JHY: variants seen among roughly 807,000 people sequenced by gnomAD.
JHY encodes junctional cadherin complex regulator, also known as jhy protein homolog.
A neutral mutation model predicts 78.0 loss-of-function variants in JHY; 69 were observed. That is an observed-to-expected ratio of 0.88 (90% CI 0.73 to 1.08). The LOEUF (loss-of-function observed/expected upper bound fraction) is 1.08, where lower values mean the gene tolerates loss of function less well. Among genes scored for constraint, JHY ranks in the 50% least tolerant of loss-of-function variants. The probability of loss-of-function intolerance (pLI) is 0.00; values close to 1 mark genes in which losing one functional copy is unlikely to be tolerated. For synonymous variants in JHY, 368 were observed against 342.6 expected (o/e 1.07, Z -0.82); for missense variants, 944 against 927.8 (o/e 1.02, Z -0.23).
At chr11:122,944,548 T>G (rs927242368) in intron 5 of JHY, among the ~76,000 whole-genome samples, 3 of 152,202 alleles carry the variant, frequency 2.0e-5, no homozygotes, top group African/African-American at 7.2e-5. Flanking sequence ...TTCTATCACC[T>G]TATATATTCA....
rs1481571714 is a variant in JHY at position 122,885,949 on chromosome 11, G to T, written c.100G>T (p.Asp34Tyr). The T allele has an allele frequency of 6.2e-7, 1 of 1,614,108 alleles. No homozygotes were observed. The highest frequency in any genetic ancestry group is 8.5e-7 in the Non-Finnish European group (1 of 1,179,994). The change falls in exon 2 of 9, where the codon GAC (aspartate) becomes TAC (tyrosine). Residue 34 changes from aspartate (D) to tyrosine (Y), a missense_variant. Coordinates refer to ENST00000227349, the MANE Select transcript of JHY (RefSeq NM_024806.4). ...QSTHPPLKKE[D>Y]LHRISKDSLE... ...CACACACCCACCTTTGAAGAAAGAA[G>T]ACTTACATCGGATTTCAAAAGACTC...
intron 1 of JHY, among the ~76,000 whole-genome samples, chr11:122,885,467 T>C (rs1177729170): frequency 1.3e-5 from 2 of 152,246 alleles, no homozygotes; most frequent in Non-Finnish European, 2.9e-5. Context: ...CAGGCTTGTC[T>C]GTAACAAGCC....
Position 122,956,587 on chromosome 11 carries a change from T to C in JHY, c.2010+11T>C. The stretch of plus-strand genomic sequence containing the variant: ...TCCATCAGAGACAAAGTGAGTGAGA[T>C]GCACATACAGTGTTTCCAGACCTGA... On this transcript the variant is annotated intron_variant, in intron 7 of 8. Transcript: ENST00000227349. 2.5e-6 allele frequency: 4 copies of C among 1,611,942 alleles called. No homozygotes were observed. The Middle Eastern group carries it at 6.6e-4, about 266-fold the overall frequency.
At chr11:122,908,245 A>G (rs1863036379) in intron 3 of JHY, among the ~76,000 whole-genome samples, 1 of 152,094 alleles carries the variant, frequency 6.6e-6, no homozygotes, top group African/African-American at 2.4e-5. Context: ...AGCTTGATGG[A>G]CCTCATCCCC....
At chr11:122,901,046 T>G (rs1423203188) in intron 2 of JHY, among the ~76,000 whole-genome samples, 1 of 152,116 alleles carries the variant, frequency 6.6e-6, no homozygotes, top group Non-Finnish European at 1.5e-5. Flanking sequence ...GTTAGGTGAT[T>G]TCATCATTGT....
intron 2 of JHY, among the ~76,000 whole-genome samples, chr11:122,887,089 G>C (rs186064524): frequency 1.9e-3 from 283 of 152,306 alleles, no homozygotes; most frequent in African/African-American, 6.7e-3. Flanking sequence ...GGAGGTTTTA[G>C]TGTGGTGGTG....
At chr11:122,922,787 G>A (rs917339347) in intron 3 of JHY, among the ~76,000 whole-genome samples, 9 of 123,852 alleles carry the variant, frequency 7.3e-5, no homozygotes, top group African/African-American at 2.6e-4. Flanking sequence ...TCCAGCCTGG[G>A]CAACAGAGCG....
intron 6 of JHY, among the ~76,000 whole-genome samples, chr11:122,953,752 A>C (rs1439121298): frequency 6.6e-6 from 1 of 152,206 alleles, no homozygotes; most frequent in Non-Finnish European, 1.5e-5. Flanking sequence ...AAGGAGATGT[A>C]TGATTTTGAA....
intron 2 of JHY, among the ~76,000 whole-genome samples, chr11:122,900,228 G>A (rs1198767358): frequency 6.6e-6 from 1 of 152,188 alleles, no homozygotes; most frequent in African/African-American, 2.4e-5. Context: ...TCAGCAAGGC[G>A]TGACAGTTTT....
chr11:122,944,819 T>A (rs181561075), intron 5 of JHY, among the ~76,000 whole-genome samples: 1 of 152,318 alleles, frequency 6.6e-6, no homozygotes, highest in East Asian at 1.9e-4. Flanking sequence ...TACTTTTCTG[T>A]CTCCTGGTTT....
At chr11:122,941,211 GCTTCTAGA>G in intron 5 of JHY, among the ~76,000 whole-genome samples, 1 of 152,250 alleles carries the variant, frequency 6.6e-6, no homozygotes, top group East Asian at 1.9e-4. Context: ...AAATGTTATT[GCTTCTAGA>G]CTCAAGATCT....
chr11:122,924,875 T>C, intron 3 of JHY, 22 bp from the exon 4 acceptor site: 1 of 1,564,164 alleles, frequency 6.4e-7, no homozygotes, highest in South Asian at 1.1e-5. Flanking sequence ...GTTAACATGC[T>C]GTATGTGTTT....
At chr11:122,923,526 T>C (rs1863420492) in intron 3 of JHY, among the ~76,000 whole-genome samples, 1 of 152,188 alleles carries the variant, frequency 6.6e-6, no homozygotes, top group Admixed American at 6.5e-5. Context: ...CAGTACATCC[T>C]GATGGCTGGA....
intron 4 of JHY, among the ~76,000 whole-genome samples, chr11:122,926,319 G>T (rs1421896368): frequency 2.6e-5 from 4 of 152,120 alleles, no homozygotes; most frequent in Non-Finnish European, 5.9e-5. Flanking sequence ...CCTAAGAAGA[G>T]ATGAGTCCTT....
At chr11:122,914,511 C>A (rs894883430) in intron 3 of JHY, among the ~76,000 whole-genome samples, 2 of 152,082 alleles carry the variant, frequency 1.3e-5, no homozygotes, top group Non-Finnish European at 2.9e-5. Flanking sequence ...GTGATGCGAT[C>A]TCCGCTCACT....
intron 5 of JHY, among the ~76,000 whole-genome samples, chr11:122,937,125 A>G (rs1591391953): frequency 1.3e-5 from 2 of 152,074 alleles, no homozygotes; most frequent in African/African-American, 4.8e-5. Context: ...TTTCTAGGAA[A>G]AATTTTCCTT....
intron 2 of JHY, among the ~76,000 whole-genome samples, chr11:122,890,655 C>T (rs1319192319): frequency 6.6e-6 from 1 of 152,004 alleles, no homozygotes; most frequent in Non-Finnish European, 1.5e-5. Context: ...TTGTTCTTAC[C>T]AAAGGACAGT....
intron 2 of JHY, among the ~76,000 whole-genome samples, chr11:122,889,198 G>A (rs1323048892): frequency 6.6e-6 from 1 of 152,184 alleles, no homozygotes; most frequent in South Asian, 2.1e-4. Context: ...TTGTGAGCTC[G>A]AGAATCTTTT....
rs1314499691 is a variant in JHY, at chr11:122,883,650, A to G, written c.-90+678A>G. ...CATGAAATTTAAACGCCCACTTTCTAACTTATTCAAGCTGTCAGCTGTTCC... is the reference window on the plus strand; with the variant it reads ...CATGAAATTTAAACGCCCACTTTCTGACTTATTCAAGCTGTCAGCTGTTCC... On this transcript the variant is annotated intron_variant, in intron 1 of 8. Transcript: ENST00000227349. This position sits in a 1 kb window ranked among gnomAD's most constrained non-coding sequence, Gnocchi z 4.4. Among the ~76,000 whole-genome samples, 3 of 151,858 alleles carry G rather than the reference A, an allele frequency of 2.0e-5. No individual in the cohort carries two copies. Among genetic ancestry groups the G allele is most frequent in the South Asian group, 2.1e-4 (1 of 4,804 alleles).
Sources: allele counts gnomAD v4.1 joint callset (sites outside exome capture counted in the v4.1 genomes callset), GRCh38; gene constraint gnomAD v4.1.1; non-coding constraint Gnocchi (gnomAD v3.1); transcripts MANE v1.5; gene names NCBI Gene and HGNC (gene_info 2026-07-23, HGNC 2026-07-21).